Variants in SYT2 observed in about 807,000 individuals in gnomAD.
The protein encoded by SYT2 is synaptotagmin-2.
SYT2 carries 15 observed loss-of-function variants against 39.9 expected under a neutral mutation model. The observed-to-expected ratio is 0.38, with a 90% CI of 0.25 to 0.58. The LOEUF (loss-of-function observed/expected upper bound fraction) is 0.58. SYT2 is among the 20% of genes least tolerant of loss of function. The probability of loss-of-function intolerance (pLI) is 0.70; values close to 1 mark genes in which losing one functional copy is unlikely to be tolerated. For missense variants in SYT2, 389 were observed against 530.3 expected (o/e 0.73, Z 2.62); for synonymous variants, 181 against 204.5 (o/e 0.89, Z 0.98).
At chr1:202,604,837 T>G (rs1416006029) in intron 2 of SYT2, among the ~76,000 whole-genome samples, 5 of 148,718 alleles carry the variant, frequency 3.4e-5, no homozygotes, top group Non-Finnish European at 5.9e-5. Flanking sequence ...TTTTTTTTTT[T>G]TTTTTTGCCT....
At chr1:202,609,423 G>C (rs1211430029) in intron 1 of SYT2, among the ~76,000 whole-genome samples, 5 of 152,146 alleles carry the variant, frequency 3.3e-5, no homozygotes, top group Non-Finnish European at 7.3e-5. Context: ...GGGATTGCTG[G>C]ATCAAATGGT....
rs1690216140 is a variant in SYT2 at position 202,594,292 on chromosome 1, C to T, written c.*2465G>A. On this transcript the variant is annotated 3_prime_UTR_variant, in exon 9 of 9. Transcript: ENST00000367268. ...ACACCCAGACCACCAGAGGTTCCTA[C>T]CATTGCCTTTCCTCCCTGTCAAGGG... 6.6e-6 allele frequency: 1 copy of T among 152,230 alleles called. No individual in the cohort carries two copies. Among genetic ancestry groups the T allele is most frequent in the South Asian group, 2.1e-4 (1 of 4,828 alleles). The allele number at this position is 152,230 out of a possible 1,614,324, so 9.4% of individuals were successfully genotyped here. A position where few individuals can be genotyped will look rare whatever the true frequency, so the allele number is the denominator to read the frequency against.
intron 1 of SYT2, among the ~76,000 whole-genome samples, chr1:202,633,381 G>A (rs1272788147): frequency 5.3e-5 from 8 of 152,162 alleles, no homozygotes; most frequent in Admixed American, 5.2e-4. Flanking sequence ...AGACTGAGGG[G>A]ATGTGTAGGT....
intron 2 of SYT2, chr1:202,605,263 T>G (rs1572615950): frequency 5.2e-6 from 1 of 194,114 alleles, no homozygotes; most frequent in East Asian, 1.2e-4. Flanking sequence ...TCTTCCAAAA[T>G]AAATTTCAAA....
chr1:202,682,242 C>T lies in SYT2; in HGVS notation c.-18+28016G>A, dbSNP rs112649022. Among the ~76,000 whole-genome samples, 1,271 of 152,310 alleles carry T rather than the reference C, an allele frequency of 8.3e-3. 15 individuals are homozygous for T. The highest frequency in any genetic ancestry group is 0.029 in the African/African-American group (1,218 of 41,564). The stretch of plus-strand genomic sequence containing the variant: ...CACGTTGGCTGACTGAGCAATCTGA[C>T]GACAGGGTTGGCAGAGCATGATGGG... On this transcript the variant is annotated intron_variant, in intron 1 of 8. Transcript: ENST00000367268.
chr1:202,648,405 C>T (rs1342215393), intron 1 of SYT2, among the ~76,000 whole-genome samples: 1 of 152,232 alleles, frequency 6.6e-6, no homozygotes, highest in Non-Finnish European at 1.5e-5. Context: ...TGGTCTCGAA[C>T]TCCTGACCTC....
chr1:202,695,617 G>A (rs538539478), intron 1 of SYT2, among the ~76,000 whole-genome samples: 3 of 152,222 alleles, frequency 2.0e-5, no homozygotes, highest in Non-Finnish European at 4.4e-5. Context: ...GTGAATTGGG[G>A]ATAGTTTATG....
At chr1:202,697,754 T>C (rs1654010460) in intron 1 of SYT2, among the ~76,000 whole-genome samples, 1 of 152,252 alleles carries the variant, frequency 6.6e-6, no homozygotes, top group Non-Finnish European at 1.5e-5. Context: ...ATAATCACCA[T>C]ATAAGGTATA....
chr1:202,620,012 C>T (rs1404074316), intron 1 of SYT2, among the ~76,000 whole-genome samples: 5 of 152,228 alleles, frequency 3.3e-5, no homozygotes, highest in Non-Finnish European at 7.3e-5. Flanking sequence ...TTGACTGAGG[C>T]CAGGTCTCCT....
intron 8 of SYT2, among the ~76,000 whole-genome samples, chr1:202,598,928 G>A (rs747621191): frequency 6.6e-6 from 1 of 152,128 alleles, no homozygotes; most frequent in Non-Finnish European, 1.5e-5. Flanking sequence ...AACCCCTCTG[G>A]CACCTTTGCT....
intron 1 of SYT2, among the ~76,000 whole-genome samples, chr1:202,684,195 C>G (rs1558460699): frequency 6.6e-6 from 1 of 152,138 alleles, no homozygotes; most frequent in South Asian, 2.1e-4. Context: ...CGCAAATGTT[C>G]AGCACATGAT....
At chr1:202,633,965 C>A (rs2149092599) in intron 1 of SYT2, among the ~76,000 whole-genome samples, 1 of 152,316 alleles carries the variant, frequency 6.6e-6, no homozygotes, top group Middle Eastern at 3.4e-3. Flanking sequence ...TTCAGACATT[C>A]TCTCACTTAA....
intron 1 of SYT2, among the ~76,000 whole-genome samples, chr1:202,619,025 C>A (rs891278394): frequency 1.3e-5 from 2 of 152,210 alleles, no homozygotes; most frequent in Non-Finnish European, 2.9e-5. Flanking sequence ...AATCCCTGGA[C>A]CCCTAGTCCA....
rs1454769983 is a variant in SYT2 at position 202,644,094 on chromosome 1, C to T, written c.-17-38305G>A. 2.0e-5 allele frequency among the ~76,000 whole-genome samples: 3 copies of T among 152,292 alleles called. No homozygotes were observed. The South Asian group carries it at 6.2e-4, about 32-fold the overall frequency. ...GGAGGGGAAGGGGAGCTGGGGAGTT[C>T]GCCCCGAGGGCTCCGGCAGCCCGCG... is the stretch of plus-strand genomic sequence containing the variant. On this transcript the variant is annotated intron_variant, in intron 1 of 8. Coordinates refer to ENST00000367268, the MANE Select transcript of SYT2 (RefSeq NM_177402.5).
Position 202,663,104 on chromosome 1 carries a change from C to T in SYT2, c.-18+47154G>A, listed in dbSNP as rs533137106. Among the ~76,000 whole-genome samples, 1,431 of 150,800 alleles carry T rather than the reference C, an allele frequency of 9.5e-3. 22 individuals carry two copies. The highest frequency in any genetic ancestry group is 0.015 in the Non-Finnish European group (1,009 of 67,354). On this transcript the variant is annotated intron_variant, in intron 1 of 8. Transcript: ENST00000367268. ...TTCCTGGGATTATGAGTATGTGGGG[C>T]AAGGGACAGCAATCAAGGTATCAGC...
Position 202,596,577 on chromosome 1 carries a change from C to G in SYT2, c.*180G>C, listed in dbSNP as rs1690304096. On this transcript the variant is annotated 3_prime_UTR_variant, in exon 9 of 9. Transcript: ENST00000367268. Reference sequence around the variant, plus strand: ...TCTCTTTCACCTCTTAGGGGACTCTCCTCACACAGCCATCAAAGGGAAGTT... The same window carrying G: ...TCTCTTTCACCTCTTAGGGGACTCTGCTCACACAGCCATCAAAGGGAAGTT... 3.2e-6 allele frequency: 2 copies of G among 619,936 alleles called. No individual in the cohort carries two copies. Among genetic ancestry groups the G allele is most frequent in the African/African-American group, 1.9e-5 (1 of 54,030 alleles). 38.4% of individuals were successfully genotyped at this position (619,936 alleles called of 1,614,324 possible). A position where few individuals can be genotyped will look rare whatever the true frequency, so the allele number is the denominator to read the frequency against.
At chr1:202,685,846 G>T (rs761953689) in intron 1 of SYT2, among the ~76,000 whole-genome samples, 1 of 152,056 alleles carries the variant, frequency 6.6e-6, no homozygotes, top group Non-Finnish European at 1.5e-5. Context: ...TTGCTAGAAG[G>T]CATGTTTCCT....
intron 1 of SYT2, chr1:202,630,378 C>T (rs1002938790): frequency 1.3e-5 from 13 of 985,196 alleles, no homozygotes; most frequent in African/African-American, 1.7e-5. Context: ...CATCGCCAAC[C>T]GGCTTTCCCA....
rs149370720 is a variant in SYT2 at position 202,693,180 on chromosome 1, A to C, written c.-18+17078T>G. 1.7e-3 allele frequency among the ~76,000 whole-genome samples: 261 copies of C among 152,232 alleles called. 1 individual carries two copies. The highest frequency in any genetic ancestry group is 4.2e-3 in the African/African-American group (176 of 41,530). ...TGGTGCTGAACCTCCCCATCTGGAG[A>C]AGCCATGGCTTGCATTTCTAAATAC... On this transcript the variant is annotated intron_variant, in intron 1 of 8. Coordinates refer to ENST00000367268, the MANE Select transcript of SYT2 (RefSeq NM_177402.5).
Sources: allele counts gnomAD v4.1 joint callset (sites outside exome capture counted in the v4.1 genomes callset), GRCh38; gene constraint gnomAD v4.1.1; transcripts MANE v1.5; gene names NCBI Gene and HGNC (gene_info 2026-07-23, HGNC 2026-07-21).